DGKI: variants seen among roughly 807,000 people sequenced by gnomAD.
DGKI encodes the protein diacylglycerol kinase iota.
Under a neutral mutation model 147.5 loss-of-function variants are expected in DGKI, and 55 were observed. The ratio of observed to expected loss-of-function variants is 0.37; its 90% CI spans 0.30 to 0.47. DGKI has a LOEUF of 0.47. Ranked by LOEUF, DGKI falls within the 20% of genes least tolerant of loss-of-function variation. The pLI is 1.00. For missense variants in DGKI, 1,007 were observed against 1,323.8 expected (o/e 0.76, Z 3.71); for synonymous variants, 469 against 477.1 (o/e 0.98, Z 0.22).
chr7:137,710,987 A>T (rs1794192266), intron 1 of DGKI, among the ~76,000 whole-genome samples: 1 of 152,200 alleles, frequency 6.6e-6, no homozygotes, highest in South Asian at 2.1e-4. Flanking sequence ...AAAGAAAAAC[A>T]TGTTCAGATC....
intron 1 of DGKI, among the ~76,000 whole-genome samples, chr7:137,727,365 A>T (rs1292864996): frequency 6.6e-6 from 1 of 152,154 alleles, no homozygotes; most frequent in East Asian, 1.9e-4. Flanking sequence ...AAAAAGAAAA[A>T]GATTTTTGAG....
intron 21 of DGKI, among the ~76,000 whole-genome samples, chr7:137,505,401 T>A (rs1456877338): frequency 6.6e-6 from 1 of 152,040 alleles, no homozygotes; most frequent in African/African-American, 2.4e-5. Flanking sequence ...AGAGAAACCA[T>A]CTCATTTATG....
intron 1 of DGKI, among the ~76,000 whole-genome samples, chr7:137,831,412 C>T (rs930272089): frequency 1.3e-5 from 2 of 152,210 alleles, no homozygotes; most frequent in Non-Finnish European, 2.9e-5. Flanking sequence ...GCCTCACAAT[C>T]GTGGCAGACG....
At chr7:137,621,666 T>C (rs767959634) in intron 7 of DGKI, among the ~76,000 whole-genome samples, 20 of 152,228 alleles carry the variant, frequency 1.3e-4, no homozygotes, top group Non-Finnish European at 2.6e-4. Context: ...CAAAGATAAG[T>C]GGAACTGACC....
chr7:137,525,586 A>G (rs1817116064), intron 20 of DGKI, among the ~76,000 whole-genome samples: 1 of 152,184 alleles, frequency 6.6e-6, no homozygotes, highest in Non-Finnish European at 1.5e-5. Flanking sequence ...GTTAATCAGG[A>G]AACTCTATGC....
At position 137,424,079 on chromosome 7, in the gene DGKI, C is replaced by T. The variant is rs573358703; in HGVS notation, c.2762-11872G>A. On this transcript the variant is annotated intron_variant, in intron 28 of 32. Transcript: ENST00000614521. Reference sequence around the variant, plus strand: ...GAATCTTCCCCATATAAGCATATGACAGTTATTACTTGGAAGAATATAAAA... The same window carrying T: ...GAATCTTCCCCATATAAGCATATGATAGTTATTACTTGGAAGAATATAAAA... Among the ~76,000 whole-genome samples, 130 of 152,208 alleles carry T rather than the reference C, an allele frequency of 8.5e-4. 4 individuals are homozygous for T. In the South Asian group the frequency reaches 0.025, roughly 30 times the overall value.
chr7:137,841,086 A>T (rs1798530873), intron 1 of DGKI, among the ~76,000 whole-genome samples: 1 of 152,264 alleles, frequency 6.6e-6, no homozygotes, highest in South Asian at 2.1e-4. Context: ...ATTAGCAGAA[A>T]GATGCCAAGT....
chr7:137,423,006 G>A (rs1430952015), intron 28 of DGKI, among the ~76,000 whole-genome samples: 2 of 152,178 alleles, frequency 1.3e-5, no homozygotes, highest in Non-Finnish European at 2.9e-5. Flanking sequence ...GTTGGAAACT[G>A]ATGTAGCAAT....
At chr7:137,405,868 A>G (rs1416065743) in intron 30 of DGKI, among the ~76,000 whole-genome samples, 1 of 152,188 alleles carries the variant, frequency 6.6e-6, no homozygotes, top group Non-Finnish European at 1.5e-5. Context: ...TCTTCAACAA[A>G]GCCTCATCAA....
At chr7:137,603,777 A>G (rs949445187) in intron 10 of DGKI, among the ~76,000 whole-genome samples, 12 of 152,246 alleles carry the variant, frequency 7.9e-5, no homozygotes, top group African/African-American at 2.9e-4. Flanking sequence ...TTCAGGGTAA[A>G]GGCACAAAAG....
chr7:137,678,872 A>G (rs1431569992), intron 2 of DGKI, among the ~76,000 whole-genome samples: 1 of 152,246 alleles, frequency 6.6e-6, no homozygotes, highest in Non-Finnish European at 1.5e-5. Context: ...AATAAACATT[A>G]GGTTTATAGC....
intron 28 of DGKI, among the ~76,000 whole-genome samples, chr7:137,422,237 C>T (rs976021843): frequency 6.6e-6 from 1 of 152,312 alleles, no homozygotes; most frequent in South Asian, 2.1e-4. Context: ...GACTCACACT[C>T]TTCCAGAATC....
At chr7:137,615,672 T>C (rs890875512) in intron 8 of DGKI, among the ~76,000 whole-genome samples, 2 of 151,936 alleles carry the variant, frequency 1.3e-5, no homozygotes, top group Middle Eastern at 3.4e-3. Context: ...CTCTAATATA[T>C]TGACCTCCAA....
chr7:137,758,876 C>T (rs13311289), intron 1 of DGKI, among the ~76,000 whole-genome samples: 2 of 151,976 alleles, frequency 1.3e-5, no homozygotes, highest in African/African-American at 4.8e-5. Context: ...CATTTTTTTA[C>T]TTTTCCCATA....
chr7:137,547,414 A>C (rs1563078877), intron 20 of DGKI, among the ~76,000 whole-genome samples: 1 of 152,340 alleles, frequency 6.6e-6, no homozygotes, highest in Non-Finnish European at 1.5e-5. Context: ...GGCATCATGA[A>C]GCCCTATTAG....
chr7:137,622,603 GA>G (rs1187169005), intron 7 of DGKI, among the ~76,000 whole-genome samples: 1 of 151,508 alleles, frequency 6.6e-6, no homozygotes, highest in African/African-American at 2.4e-5. Flanking sequence ...ATACATAAAT[GA>G]AAAAAAACAG....
At chr7:137,748,710 A>C (rs1332041691) in intron 1 of DGKI, among the ~76,000 whole-genome samples, 1 of 152,190 alleles carries the variant, frequency 6.6e-6, no homozygotes, top group Non-Finnish European at 1.5e-5. Flanking sequence ...TTCATATACT[A>C]TCAGAAATCC....
At chr7:137,567,965 A>T (rs1235429078) in intron 19 of DGKI, among the ~76,000 whole-genome samples, 1 of 152,164 alleles carries the variant, frequency 6.6e-6, no homozygotes, top group Admixed American at 6.5e-5. Context: ...GACAAATATA[A>T]GATTGTCCAT....
intron 24 of DGKI, among the ~76,000 whole-genome samples, chr7:137,467,753 G>C (rs1814714592): frequency 6.6e-6 from 1 of 152,086 alleles, no homozygotes; most frequent in Non-Finnish European, 1.5e-5. Context: ...AGCTCAGGTG[G>C]GAGAAGTGCT....
Sources: gnomAD v4.1 joint callset for allele counts (sites outside exome capture counted in the v4.1 genomes callset) on GRCh38, gnomAD v4.1.1 for gene constraint, MANE v1.5 for transcripts, NCBI Gene and HGNC (gene_info 2026-07-23, HGNC 2026-07-21) for gene names.